GLG1: variants seen among roughly 807,000 people sequenced by gnomAD.
GLG1 encodes Golgi apparatus protein 1.
In GLG1, 38 loss-of-function variants were observed where a neutral mutation model predicts 160.5. That is an observed-to-expected ratio of 0.24 (90% CI 0.18 to 0.31). The LOEUF is 0.31. GLG1 is among the 10% of genes least tolerant of loss of function. The pLI, the probability that GLG1 is intolerant of heterozygous loss-of-function variation, is 1.00. For synonymous variants in GLG1, 644 were observed against 543.4 expected, an observed-to-expected ratio of 1.19 and a Z score of -2.57; for missense variants, 1,373 against 1,505.2, an observed-to-expected ratio of 0.91 and a Z score of 1.45.
chr16:74,554,954 T>G (rs1356416778), intron 1 of GLG1, among the ~76,000 whole-genome samples: 1 of 152,166 alleles, frequency 6.6e-6, no homozygotes, highest in Admixed American at 6.5e-5. Flanking sequence ...AGTTTGAGGC[T>G]GCAATGAGCT....
At position 74,456,725 on chromosome 16, in the gene GLG1, T is replaced by C. The variant is rs1008535071; in HGVS notation, c.3296A>G (p.Asp1099Gly). ...CTCGGGCTGTAACCTCACCCGCTTA[T>C]CCTCCAGTGCTTCCATGAGACAGGA... The part of the protein sequence containing the change: ...QMSCLMEALE[D>G]KRVRLQPECK... The change falls in exon 25 of 26, where the codon GAT becomes GGT. Residue 1099 changes from aspartate to glycine, a missense_variant. By Grantham distance (94) the Asp-to-Gly change is moderately conservative. Around this residue, in one of 4 missense-constraint regions of GLG1, gnomAD observed 491 missense variants for 632.1 expected, o/e 0.78. Coordinates refer to ENST00000422840, the MANE Select transcript of GLG1 (RefSeq NM_001145667.2). 1.9e-6 allele frequency: 3 copies of C among 1,611,062 alleles called. No individual in the cohort carries two copies. Among genetic ancestry groups the C allele is most frequent in the Non-Finnish European group, 2.5e-6 (3 of 1,177,748 alleles).
intron 11 of GLG1, among the ~76,000 whole-genome samples, chr16:74,477,925 A>C (rs2015445659): frequency 6.6e-6 from 1 of 151,618 alleles, no homozygotes; most frequent in African/African-American, 2.4e-5. Flanking sequence ...GTGAGCTGAG[A>C]TTGCACTACT....
chr16:74,561,033 GC>G, intron 1 of GLG1, among the ~76,000 whole-genome samples: 1 of 152,318 alleles, frequency 6.6e-6, no homozygotes, highest in Admixed American at 6.5e-5. Context: ...GCAGTCCTGC[GC>G]AGTCCTGCAC....
At chr16:74,479,565 T>C (rs1017395626) in intron 11 of GLG1, among the ~76,000 whole-genome samples, 1 of 152,124 alleles carries the variant, frequency 6.6e-6, no homozygotes, top group Non-Finnish European at 1.5e-5. Context: ...GGATTTGAGA[T>C]AGCCAGGCTT....
intron 22 of GLG1, 199 bp downstream of exon 22, chr16:74,461,895 C>A (rs1253768979): frequency 2.0e-6 from 1 of 495,484 alleles, no homozygotes; most frequent in Non-Finnish European, 3.6e-6. Flanking sequence ...TATGGAACAA[C>A]GCTTTAGAGT....
intron 1 of GLG1, among the ~76,000 whole-genome samples, chr16:74,559,668 C>G (rs1344245765): frequency 1.3e-5 from 2 of 151,632 alleles, no homozygotes; most frequent in African/African-American, 2.4e-5. Flanking sequence ...GAACTTAATT[C>G]TTTGCCTGCT....
intron 2 of GLG1, among the ~76,000 whole-genome samples, chr16:74,523,470 A>G (rs2017237059): frequency 6.6e-6 from 1 of 152,126 alleles, no homozygotes; most frequent in African/African-American, 2.4e-5. Flanking sequence ...ATCACGTGGC[A>G]ATTTTGCTAA....
At chr16:74,506,075 GA>G (rs2016591051) in intron 3 of GLG1, among the ~76,000 whole-genome samples, 1 of 124,694 alleles carries the variant, frequency 8.0e-6, no homozygotes, top group South Asian at 2.5e-4. Context: ...GTATTTCCTG[GA>G]AAAGATTTTT....
chr16:74,454,722 G>T (rs2014464758), intron 25 of GLG1, among the ~76,000 whole-genome samples: 1 of 147,238 alleles, frequency 6.8e-6, no homozygotes, highest in Non-Finnish European at 1.5e-5. Context: ...GTTAGAGATG[G>T]GGTCTCCCTA....
At chr16:74,512,530 C>A (rs2016847599) in intron 2 of GLG1, among the ~76,000 whole-genome samples, 1 of 152,060 alleles carries the variant, frequency 6.6e-6, no homozygotes, top group Non-Finnish European at 1.5e-5. Context: ...TCCCAAAGTG[C>A]TGGAATTACA....
intron 1 of GLG1, among the ~76,000 whole-genome samples, chr16:74,550,533 A>G (rs1467971028): frequency 6.6e-6 from 1 of 152,190 alleles, no homozygotes; most frequent in Non-Finnish European, 1.5e-5. Flanking sequence ...CAAAAACTCA[A>G]TGTGCTATTT....
At chr16:74,465,602 G>A in intron 19 of GLG1, 74 bp downstream of exon 19, 2 of 1,457,954 alleles carry the variant, frequency 1.4e-6, no homozygotes, top group Non-Finnish European at 1.9e-6. Context: ...TGAGCCTGAG[G>A]AAGTTGCTGC....
intron 1 of GLG1, among the ~76,000 whole-genome samples, chr16:74,554,422 T>C (rs1035780477): frequency 2.0e-5 from 3 of 152,114 alleles, no homozygotes; most frequent in Non-Finnish European, 4.4e-5. Flanking sequence ...TAACCCCAGG[T>C]ACTCGGGAGG....
rs1224000381 is a variant in GLG1, at chr16:74,472,546, T to C, written c.2053-135A>G. ...CATACTTTTGGAAACGATTCTAGTA[T>C]TTGAAGTAGATAGCCCCAGAATAAA... On this transcript the variant is annotated intron_variant, in intron 13 of 25. Coordinates refer to ENST00000422840, the MANE Select transcript of GLG1 (RefSeq NM_001145667.2). 9 of 1,469,390 alleles carry C rather than the reference T, an allele frequency of 6.1e-6. No individual in the cohort carries two copies. The South Asian group carries it at 1.1e-4, about 18-fold the overall frequency. The allele number at this position is 1,469,390 out of a possible 1,614,324, so 91.0% of individuals were successfully genotyped here.
At chr16:74,491,266 G>T in intron 7 of GLG1, 51 bp from the exon 8 acceptor site, 2 of 1,266,294 alleles carry the variant, frequency 1.6e-6, no homozygotes, top group Non-Finnish European at 2.3e-6. Flanking sequence ...CTATGTATTA[G>T]CATCAGAAAT....
chr16:74,572,317 C>T (rs1170733904), intron 1 of GLG1, among the ~76,000 whole-genome samples: 1 of 152,040 alleles, frequency 6.6e-6, no homozygotes, highest in Admixed American at 6.6e-5. Context: ...TCAAGACAAG[C>T]CTGGCCAACA....
chr16:74,571,190 C>G (rs1369197346), intron 1 of GLG1, among the ~76,000 whole-genome samples: 1 of 152,046 alleles, frequency 6.6e-6, no homozygotes. Flanking sequence ...TTTCACCCAA[C>G]AAACTACCAG....
At chr16:74,455,468 A>T (rs2014499777) in intron 25 of GLG1, among the ~76,000 whole-genome samples, 1 of 152,218 alleles carries the variant, frequency 6.6e-6, no homozygotes. Context: ...GTAACGCAGC[A>T]TCTCCTGCTG....
At chr16:74,455,485 C>G (rs1310574777) in intron 25 of GLG1, among the ~76,000 whole-genome samples, 2 of 152,202 alleles carry the variant, frequency 1.3e-5, no homozygotes, top group Admixed American at 6.5e-5. Flanking sequence ...GCTGCCGCTT[C>G]CCTGAGCCAC....
Sources: gnomAD v4.1 joint callset for allele counts (sites outside exome capture counted in the v4.1 genomes callset) on GRCh38, gnomAD v4.1.1 for gene constraint, gnomAD v4.1.1 regional missense constraint, MANE v1.5 for transcripts, NCBI Gene and HGNC (gene_info 2026-07-23, HGNC 2026-07-21) for gene names.